Variants in CSF2 observed in about 807,000 individuals in gnomAD.
CSF2 encodes the protein granulocyte-macrophage colony-stimulating factor.
CSF2 carries 2 observed loss-of-function variants against 13.5 expected under a neutral mutation model. The observed-to-expected ratio is 0.15, with a 90% CI of 0.06 to 0.47. The LOEUF is 0.47. Ranked by LOEUF, CSF2 falls within the 20% of genes least tolerant of loss-of-function variation. The probability of loss-of-function intolerance (pLI) is 0.97; values close to 1 mark genes in which losing one functional copy is unlikely to be tolerated. For synonymous variants in CSF2, 66 were observed against 69.2 expected (o/e 0.95, Z 0.23); for missense variants, 141 against 179.7 (o/e 0.78, Z 1.23).
intron 3 of CSF2, among the ~76,000 whole-genome samples, 161 bp downstream of exon 3, chr5:132,075,096 T>C (rs1756685746): frequency 6.6e-6 from 1 of 152,164 alleles, no homozygotes; most frequent in Admixed American, 6.5e-5. Flanking sequence ...AGACAGCCCA[T>C]TTCATCCCAA....
In CSF2 at chr5:132,074,558, G is replaced by T. The variant is rs900344741; in HGVS notation, c.202-252G>T. 1.1e-3 allele frequency among the ~76,000 whole-genome samples: 164 copies of T among 152,288 alleles called. 2 individuals carry two copies. Among genetic ancestry groups the T allele is most frequent in the African/African-American group, 3.8e-3 (157 of 41,552 alleles). On this transcript the variant is annotated intron_variant, in intron 2 of 3. Transcript: ENST00000296871. ...CCACCCCCCTCTCCCTGAATGATGG[G>T]GTGAGAGTCACCTCCTTCCCTAAGG... is the stretch of plus-strand genomic sequence containing the variant.
intron 2 of CSF2, 86 bp from the exon 3 acceptor site, chr5:132,074,724 G>A: frequency 6.2e-7 from 1 of 1,606,472 alleles, no homozygotes; most frequent in Admixed American, 1.7e-5. Flanking sequence ...GGGGGCTGGG[G>A]GCAGCAGCAA....
At position 132,075,948 on chromosome 5, in the gene CSF2, G is replaced by A. The variant is rs1419919695; in HGVS notation, c.*96G>A. On this transcript the variant is annotated 3_prime_UTR_variant, in exon 4 of 4. Transcript: ENST00000296871. ...GGTCATCTTGGAGGGACCAAGGGGT[G>A]GGCCACAGCCATGGTGGGAGTGGCC... 4.9e-6 allele frequency: 5 copies of A among 1,011,236 alleles called. No individual in the cohort carries two copies. Among genetic ancestry groups the A allele is most frequent in the African/African-American group, 1.6e-5 (1 of 63,338 alleles). The allele number at this position is 1,011,236 out of a possible 1,614,324, so 62.6% of individuals were successfully genotyped here. A position where few individuals can be genotyped will look rare whatever the true frequency, so the allele number is the denominator to read the frequency against.
Position 132,074,884 on chromosome 5 carries a change from C to A in CSF2, c.276C>A (p.Gly92=). The A allele has an allele frequency of 1.2e-6, 2 of 1,613,466 alleles. No homozygotes were observed. Among genetic ancestry groups the A allele is most frequent in the Non-Finnish European group, 1.7e-6 (2 of 1,180,028 alleles). Reference sequence around the variant, plus strand: ...GGGGCAGCCTCACCAAGCTCAAGGGCCCCTTGACCATGATGGCCAGCCACT... The same window carrying A: ...GGGGCAGCCTCACCAAGCTCAAGGGACCCTTGACCATGATGGCCAGCCACT... ...GLRGSLTKLK[G]PLTMMASHYK... is the part of the protein sequence containing the mutation. Residue 92 remains glycine (G), a synonymous_variant, in exon 3 of 4, where the codon GGC becomes GGA. Transcript: ENST00000296871.
chr5:132,074,669 G>T (rs965916535), intron 2 of CSF2, 141 bp from the exon 3 acceptor site: 5 of 1,366,170 alleles, frequency 3.7e-6, no homozygotes, highest in African/African-American at 1.4e-5. Flanking sequence ...ACAGGGCAGG[G>T]TCTATGACTG....
rs1756697175 is a variant in CSF2, at chr5:132,075,770, T to C, written c.353T>C (p.Ile118Thr). ...TPETSCATQIITFESFKENLK... is the reference protein window; with the variant it reads ...TPETSCATQITTFESFKENLK... ...GAAACTTCCTGTGCAACCCAGATTA[T>C]CACCTTTGAAAGTTTCAAAGAGAAC... The change falls in exon 4 of 4, where the codon ATC (isoleucine) becomes ACC (threonine). Residue 118 changes from isoleucine to threonine, a missense_variant. Physicochemically the swap from Ile to Thr is moderately conservative, Grantham distance 89 (BLOSUM62 -1). Transcript: ENST00000296871. 6.2e-7 allele frequency: 1 copy of C among 1,610,148 alleles called. No homozygotes were observed. Among genetic ancestry groups the C allele is most frequent in the East Asian group, 2.2e-5 (1 of 44,874 alleles).
rs746226261 is a variant in CSF2, at chr5:132,074,941, T to G, written c.327+6T>G. 1 of 1,613,198 alleles carries G rather than the reference T, an allele frequency of 6.2e-7. No homozygotes were observed. Among genetic ancestry groups the G allele is most frequent in the Non-Finnish European group, 8.5e-7 (1 of 1,179,974 alleles). ...AGCACTGCCCTCCAACCCCGGTGAG[T>G]GCCTACGGCAGGGCCTCCAGCAGGA... On this transcript the variant is annotated splice_donor_region_variant and intron_variant, in intron 3 of 3. Coordinates refer to ENST00000296871, the MANE Select transcript of CSF2 (RefSeq NM_000758.4).
chr5:132,075,063 G>A, intron 3 of CSF2, 128 bp downstream of exon 3: 1 of 1,417,774 alleles, frequency 7.1e-7, no homozygotes, highest in Non-Finnish European at 9.9e-7. Flanking sequence ...GTTATGTAAT[G>A]ATTAGCCCTC....
chr5:132,074,036 G>GC, intron 1 of CSF2, 45 bp from the exon 2 acceptor site: 1 of 1,613,756 alleles, frequency 6.2e-7, no homozygotes, highest in Non-Finnish European at 8.5e-7. Context: ...CCCCTGACTG[G>GC]CCACGCCTGT....
intron 2 of CSF2, 21 bp from the exon 3 acceptor site, chr5:132,074,789 G>A (rs1037175631): frequency 3.7e-6 from 6 of 1,613,686 alleles, no homozygotes; most frequent in East Asian, 2.2e-5. Flanking sequence ...ACTGCTCACC[G>A]ACGAACGACA....
chr5:132,074,876 C>T lies in CSF2; in HGVS notation c.268C>T (p.Leu90Phe). The T allele has an allele frequency of 6.2e-7, 1 of 1,613,526 alleles. No homozygotes were observed. The highest frequency in any genetic ancestry group is 1.3e-5 in the African/African-American group (1 of 75,056). Residue 90 changes from leucine (L) to phenylalanine (F), a missense_variant, in exon 3 of 4, where the codon CTC becomes TTC. Coordinates refer to ENST00000296871, the MANE Select transcript of CSF2 (RefSeq NM_000758.4). Reference protein sequence around the residue: ...KQGLRGSLTKLKGPLTMMASH... With the variant: ...KQGLRGSLTKFKGPLTMMASH... ...GGGCCTGCGGGGCAGCCTCACCAAG[C>T]TCAAGGGCCCCTTGACCATGATGGC...
At position 132,075,825 on chromosome 5, in the gene CSF2, T is replaced by C. The variant is rs778087300; in HGVS notation, c.408T>C (p.Phe136=). The change falls in exon 4 of 4, where the codon TTT becomes TTC. Residue 136 remains phenylalanine (F), a synonymous_variant. Coordinates refer to ENST00000296871, the MANE Select transcript of CSF2 (RefSeq NM_000758.4). ...AGGACTTTCTGCTTGTCATCCCCTT[T>C]GACTGCTGGGAGCCAGTCCAGGAGT... ...NLKDFLLVIP[F]DCWEPVQE is the part of the protein sequence containing the mutation. 6.2e-7 allele frequency: 1 copy of C among 1,611,070 alleles called. No individual in the cohort carries two copies. The highest frequency in any genetic ancestry group is 2.2e-5 in the East Asian group (1 of 44,850).
chr5:132,075,919 G>A lies in CSF2; in HGVS notation c.*67G>A, dbSNP rs1756699340. 7.6e-7 allele frequency: 1 copy of A among 1,323,458 alleles called. No individual in the cohort carries two copies. The highest frequency in any genetic ancestry group is 1.7e-5 in the Admixed American group (1 of 59,534). The allele number at this position is 1,323,458 out of a possible 1,614,324, so 82.0% of individuals were successfully genotyped here. A position where few individuals can be genotyped will look rare whatever the true frequency, so the allele number is the denominator to read the frequency against. On this transcript the variant is annotated 3_prime_UTR_variant, in exon 4 of 4. Transcript: ENST00000296871. The stretch of plus-strand genomic sequence containing the variant: ...TCATGAAACAAGAGCTAGAAACTCA[G>A]GATGGTCATCTTGGAGGGACCAAGG...
At chr5:132,075,163 T>C (rs2069627) in intron 3 of CSF2, among the ~76,000 whole-genome samples, 62 of 152,364 alleles carry the variant, frequency 4.1e-4, no homozygotes, top group African/African-American at 1.4e-3. Context: ...GAGCTGCTCC[T>C]ATCCTGGTCA....
chr5:132,074,531 C>T (rs1176548066), intron 2 of CSF2, among the ~76,000 whole-genome samples: 3 of 152,108 alleles, frequency 2.0e-5, no homozygotes, highest in African/African-American at 7.2e-5. Context: ...CCAGGTGAGG[C>T]CCCACCCCCC....
rs566638739 is a variant in CSF2, at chr5:132,075,576, A to G, written c.328-169A>G. Among the ~76,000 whole-genome samples the G allele has an allele frequency of 2.0e-5, 3 of 152,340 alleles. No individual in the cohort carries two copies. The South Asian group carries it at 6.2e-4, about 32-fold the overall frequency. ...GGCAGAGCTATGCACTCCTTGGGGA[A>G]CACGTGGGTGGCAGCAGCGTCACCT... On this transcript the variant is annotated intron_variant, in intron 3 of 3. Transcript: ENST00000296871.
Position 132,074,114 on chromosome 5 carries a change from G to C in CSF2, c.193G>C (p.Asp65His), listed in dbSNP as rs755613206. 6.2e-7 allele frequency: 1 copy of C among 1,613,948 alleles called. No homozygotes were observed. The highest frequency in any genetic ancestry group is 8.5e-7 in the Non-Finnish European group (1 of 1,180,026). The stretch of plus-strand genomic sequence containing the variant: ...AGTAGAAGTCATCTCAGAAATGTTT[G>C]ACCTCCAGGTAAGATGCTTCTCTCT... ...ETVEVISEMF[D>H]LQEPTCLQTR... The change falls in exon 2 of 4, where the codon GAC (aspartate) becomes CAC (histidine). Residue 65 changes from aspartate to histidine, a missense_variant. Coordinates refer to ENST00000296871, the MANE Select transcript of CSF2 (RefSeq NM_000758.4).
intron 2 of CSF2, 133 bp downstream of exon 2, chr5:132,074,255 A>G: frequency 9.7e-7 from 1 of 1,030,578 alleles, no homozygotes; most frequent in Non-Finnish European, 1.5e-6. Context: ...AGGAGGGGGT[A>G]GCAACTGGGT....
chr5:132,075,038 G>A, intron 3 of CSF2, 103 bp downstream of exon 3: 1 of 1,554,612 alleles, frequency 6.4e-7, no homozygotes. Flanking sequence ...ACCCCAGGGG[G>A]TTTCTGTGCC....
Sources: gnomAD v4.1 joint callset for allele counts (sites outside exome capture counted in the v4.1 genomes callset) on GRCh38, gnomAD v4.1.1 for gene constraint, MANE v1.5 for transcripts, NCBI Gene and HGNC (gene_info 2026-07-23, HGNC 2026-07-21) for gene names.